SYNE3: variants seen among roughly 807,000 people sequenced by gnomAD.
The protein encoded by SYNE3 is nesprin-3.
Under a neutral mutation model 111.2 loss-of-function variants are expected in SYNE3, and 100 were observed. The observed-to-expected ratio is 0.90, with a 90% CI of 0.77 to 1.06. The LOEUF (loss-of-function observed/expected upper bound fraction) is 1.06, where lower values mean the gene tolerates loss of function less well. Among genes scored for constraint, SYNE3 ranks in the 50% least tolerant of loss-of-function variants. The pLI is 0.00. For missense variants in SYNE3, 1,160 were observed against 1,240.3 expected, an observed-to-expected ratio of 0.94 and a Z score of 0.97; for synonymous variants, 547 against 533.9, an observed-to-expected ratio of 1.02 and a Z score of -0.34.
At chr14:95,491,419 C>A (rs1172870102) in intron 1 of SYNE3, among the ~76,000 whole-genome samples, 3 of 152,102 alleles carry the variant, frequency 2.0e-5, no homozygotes, top group Non-Finnish European at 4.4e-5. Flanking sequence ...AAACAATCAA[C>A]CCTTGTATTT....
chr14:95,455,621 ATCT>A lies in SYNE3; in HGVS notation c.890_892del (p.Lys297del), dbSNP rs779417695. The A allele has an allele frequency of 2.5e-6, 4 of 1,614,144 alleles. No individual in the cohort carries two copies. The highest frequency in any genetic ancestry group is 3.4e-6 in the Non-Finnish European group (4 of 1,180,028). On this transcript the variant is annotated inframe_deletion, in exon 6 of 18. Coordinates refer to ENST00000682763, the MANE Select transcript of SYNE3 (RefSeq NM_152592.6). The stretch of plus-strand genomic sequence containing the variant: ...CCTCATCTCTTCCAGTTCTCCGGTG[ATCT>A]TCTCTGCACCCAAAGGAGAGGTGTT...
intron 11 of SYNE3, among the ~76,000 whole-genome samples, chr14:95,440,764 C>T (rs1886372135): frequency 1.3e-5 from 2 of 152,190 alleles, no homozygotes; most frequent in African/African-American, 4.8e-5. Context: ...GTCAGAGCCC[C>T]CCTTGAGGGT....
rs1387972961 is a variant in SYNE3, at chr14:95,418,018, C to T, written c.2736G>A (p.Arg912=). ...GEPTGFQKTR[R]WRGLGSLFRR... is the part of the protein sequence containing the mutation. ...GGAAGAGGGAGCCCAGTCCTCGCCA[C>T]CGCCGAGTCTGCGGAACCAACACAG... Residue 912 remains arginine, a synonymous_variant, in exon 18 of 18, where the codon CGG becomes CGA. Coordinates refer to ENST00000682763, the MANE Select transcript of SYNE3 (RefSeq NM_152592.6). The T allele has an allele frequency of 6.2e-7, 1 of 1,609,756 alleles. No individual in the cohort carries two copies.
rs138284048 is a variant in SYNE3, at chr14:95,427,989, A to T, written c.2727+4090T>A. On this transcript the variant is annotated intron_variant, in intron 17 of 17. Coordinates refer to ENST00000682763, the MANE Select transcript of SYNE3 (RefSeq NM_152592.6). ...ATTCAATCTAAGACGCTGATTATAA[A>T]GTGCACCATTATTTTACAAACCGCT... Among the ~76,000 whole-genome samples the T allele has an allele frequency of 3.7e-3, 567 of 152,354 alleles. 1 individual carries two copies. Among genetic ancestry groups the T allele is most frequent in the Non-Finnish European group, 4.2e-3 (285 of 68,038 alleles).
chr14:95,490,362 A>G (rs1343233134), intron 1 of SYNE3, among the ~76,000 whole-genome samples: 1 of 152,260 alleles, frequency 6.6e-6, no homozygotes, highest in Non-Finnish European at 1.5e-5. Context: ...CCAACCTGTA[A>G]CAGCTGGAGA....
chr14:95,449,823 G>T, intron 8 of SYNE3, 108 bp downstream of exon 8: 1 of 1,462,312 alleles, frequency 6.8e-7, no homozygotes. Context: ...GCTCTCCCCA[G>T]ATATCCGGAG....
intron 1 of SYNE3, among the ~76,000 whole-genome samples, chr14:95,510,136 CT>C (rs1890671445): frequency 6.6e-6 from 1 of 152,220 alleles, no homozygotes; most frequent in South Asian, 2.1e-4. Context: ...GTTTCCTAGT[CT>C]CTGAAAGCTG....
intron 16 of SYNE3, among the ~76,000 whole-genome samples, chr14:95,432,829 GC>G: frequency 6.6e-6 from 1 of 152,046 alleles, no homozygotes; most frequent in Non-Finnish European, 1.5e-5. Flanking sequence ...GGGTGTGTCT[GC>G]AGGCTGGCTC....
chr14:95,429,927 T>G (rs1885650506), intron 17 of SYNE3: 1 of 966,652 alleles, frequency 1.0e-6, no homozygotes, highest in Admixed American at 8.1e-5. Context: ...ACAGGACAGG[T>G]CACTGCTCTT....
intron 1 of SYNE3, among the ~76,000 whole-genome samples, chr14:95,489,670 T>C (rs574190420): frequency 1.3e-5 from 2 of 152,350 alleles, no homozygotes; most frequent in South Asian, 4.1e-4. Context: ...CAGGCTGGTC[T>C]CAAACTTTCT....
chr14:95,443,634 C>A, intron 10 of SYNE3: 1 of 221,150 alleles, frequency 4.5e-6, no homozygotes, highest in Non-Finnish European at 8.8e-6. Context: ...AGTTTTAAAA[C>A]CCAAAATGCA....
At chr14:95,456,928 CA>C (rs1214865396) in intron 5 of SYNE3, among the ~76,000 whole-genome samples, 2 of 151,854 alleles carry the variant, frequency 1.3e-5, no homozygotes, top group African/African-American at 2.4e-5. Flanking sequence ...ACTAAAAATA[CA>C]AAAAAATTAG....
At chr14:95,444,751 C>T (rs1430224722) in intron 9 of SYNE3, 123 bp from the exon 10 acceptor site, 5 of 1,255,276 alleles carry the variant, frequency 4.0e-6, no homozygotes, top group Admixed American at 3.0e-5. Flanking sequence ...TCAGGCGCCA[C>T]CCCCTCCAGG....
rs140425097 is a variant in SYNE3, at chr14:95,437,387, C to T, written c.2377-406G>A. Among the ~76,000 whole-genome samples the T allele has an allele frequency of 3.9e-5, 6 of 152,348 alleles. No homozygotes were observed. The East Asian group carries it at 1.2e-3, about 29-fold the overall frequency. The stretch of plus-strand genomic sequence containing the variant: ...CCAGTGTGACCCGGGAGTCTTGGTT[C>T]CACTGCGCATGCTGTCTTCCCTGTC... On this transcript the variant is annotated intron_variant, in intron 14 of 17. Coordinates refer to ENST00000682763, the MANE Select transcript of SYNE3 (RefSeq NM_152592.6).
intron 15 of SYNE3, among the ~76,000 whole-genome samples, chr14:95,435,602 G>A (rs906822892): frequency 1.3e-5 from 2 of 151,950 alleles, no homozygotes; most frequent in Non-Finnish European, 2.9e-5. Context: ...TAACAAGTTT[G>A]GGAATTAAGA....
intron 15 of SYNE3, among the ~76,000 whole-genome samples, chr14:95,434,014 A>G (rs766572553): frequency 3.3e-5 from 5 of 152,028 alleles, no homozygotes; most frequent in Non-Finnish European, 7.4e-5. Context: ...GCTGTACAAA[A>G]AGCAAGGGGG....
chr14:95,475,944 T>C (rs1330494353), intron 1 of SYNE3, 109 bp from the exon 2 acceptor site: 15 of 1,148,220 alleles, frequency 1.3e-5, no homozygotes, highest in African/African-American at 1.6e-5. Flanking sequence ...AACCCTCCCC[T>C]GGTGCTCCCA....
intron 1 of SYNE3, among the ~76,000 whole-genome samples, chr14:95,514,214 C>T (rs541024719): frequency 2.0e-5 from 3 of 152,264 alleles, no homozygotes; most frequent in East Asian, 3.9e-4. Context: ...ATTATCACCC[C>T]GCCCAGGCTG....
In SYNE3 at chr14:95,409,722, G is replaced by A. The variant is rs1903385686; in HGVS notation, c.*8104C>T. Reference sequence around the variant, plus strand: ...GTTCTTACTTTGAAAAACAGAAGTCGTTTCTCTCATACACAGAAGCTAAGG... The same window carrying A: ...GTTCTTACTTTGAAAAACAGAAGTCATTTCTCTCATACACAGAAGCTAAGG... On this transcript the variant is annotated 3_prime_UTR_variant, in exon 18 of 18. Coordinates refer to ENST00000682763, the MANE Select transcript of SYNE3 (RefSeq NM_152592.6). The A allele has an allele frequency of 2.0e-5, 6 of 299,530 alleles. No individual in the cohort carries two copies. The highest frequency in any genetic ancestry group is 1.6e-4 in the South Asian group (5 of 31,412). The allele number at this position is 299,530 out of a possible 1,614,324, so 18.6% of individuals were successfully genotyped here.
Sources: gnomAD v4.1 joint callset for allele counts (sites outside exome capture counted in the v4.1 genomes callset) on GRCh38, gnomAD v4.1.1 for gene constraint, MANE v1.5 for transcripts, NCBI Gene and HGNC (gene_info 2026-07-23, HGNC 2026-07-21) for gene names.